CSDC2: variants seen among roughly 807,000 people sequenced by gnomAD.
CSDC2 encodes cold shock domain-containing protein C2.
Under a neutral mutation model 15.8 loss-of-function variants are expected in CSDC2, and 8 were observed. The observed-to-expected ratio is 0.51, with a 90% CI of 0.30 to 0.92. The LOEUF (loss-of-function observed/expected upper bound fraction) is 0.92. CSDC2 is among the 40% of genes least tolerant of loss of function. The pLI is 0.07. For missense variants in CSDC2, 195 were observed against 213.3 expected (o/e 0.91, Z 0.53); for synonymous variants, 96 against 92.3 (o/e 1.04, Z -0.23).
chr22:41,567,036 G>T (rs748562924), intron 1 of CSDC2, among the ~76,000 whole-genome samples: 34 of 152,090 alleles, frequency 2.2e-4, no homozygotes, highest in Non-Finnish European at 4.7e-4. Context: ...TGCTCGTTCT[G>T]AAGGGCATTA....
rs1402207577 is a variant in CSDC2, at chr22:41,575,242, G to T, written c.*347G>T. 2 of 344,404 alleles carry T rather than the reference G, an allele frequency of 5.8e-6. No individual in the cohort carries two copies. The highest frequency in any genetic ancestry group is 4.2e-5 in the African/African-American group (2 of 47,650). 21.3% of individuals were successfully genotyped at this position (344,404 alleles called of 1,614,324 possible). On this transcript the variant is annotated 3_prime_UTR_variant, in exon 4 of 4. Coordinates refer to ENST00000306149, the MANE Select transcript of CSDC2 (RefSeq NM_014460.4). ...CGGTGACTGAGCTGCGAGAGCCTGCGCTGGGCTCACTCCCTGGCCTCCGCC... is the reference window on the plus strand; with the variant it reads ...CGGTGACTGAGCTGCGAGAGCCTGCTCTGGGCTCACTCCCTGGCCTCCGCC...
At chr22:41,574,027 G>A (rs2067162024) in intron 3 of CSDC2, among the ~76,000 whole-genome samples, 1 of 152,224 alleles carries the variant, frequency 6.6e-6, no homozygotes, top group Non-Finnish European at 1.5e-5. Flanking sequence ...CATCGTGGAG[G>A]TCTGAGAGGG....
intron 1 of CSDC2, among the ~76,000 whole-genome samples, chr22:41,563,793 C>T (rs1343567532): frequency 1.3e-5 from 2 of 151,968 alleles, no homozygotes; most frequent in African/African-American, 4.8e-5. Flanking sequence ...TGTACTAAGC[C>T]AGGCGCAGTG....
At chr22:41,568,780 C>T (rs1407898566) in intron 1 of CSDC2, among the ~76,000 whole-genome samples, 1 of 152,258 alleles carries the variant, frequency 6.6e-6, no homozygotes, top group Non-Finnish European at 1.5e-5. Context: ...CCCTTCTGCT[C>T]TCTGGTCTCT....
At chr22:41,562,111 T>G (rs2067089209) in intron 1 of CSDC2, among the ~76,000 whole-genome samples, 1 of 151,722 alleles carries the variant, frequency 6.6e-6, no homozygotes. Context: ...GGGGCTGGGG[T>G]AGGAGAGGAG....
intron 1 of CSDC2, among the ~76,000 whole-genome samples, chr22:41,570,596 T>C (rs957404364): frequency 6.6e-6 from 1 of 151,292 alleles, no homozygotes; most frequent in Admixed American, 6.6e-5. Context: ...CCGAGGGAGG[T>C]AGATCAACTG....
chr22:41,569,364 A>C (rs1464663345), intron 1 of CSDC2, among the ~76,000 whole-genome samples: 1 of 152,170 alleles, frequency 6.6e-6, no homozygotes, highest in African/African-American at 2.4e-5. Context: ...TGCAGCCATC[A>C]CCACAGCCAA....
intron 3 of CSDC2, 53 bp downstream of exon 3, chr22:41,573,830 G>T: frequency 6.4e-7 from 1 of 1,570,936 alleles, no homozygotes; most frequent in South Asian, 1.1e-5. Context: ...GTCCCCAATG[G>T]TGCCTCAAAA....
chr22:41,562,730 G>T (rs2067093726), intron 1 of CSDC2, among the ~76,000 whole-genome samples: 1 of 152,178 alleles, frequency 6.6e-6, no homozygotes, highest in African/African-American at 2.4e-5. Context: ...GCTTGGGGCA[G>T]TTCAGACCTT....
intron 1 of CSDC2, among the ~76,000 whole-genome samples, 184 bp downstream of exon 1, chr22:41,561,367 A>C (rs1260158965): frequency 6.6e-6 from 1 of 152,204 alleles, no homozygotes; most frequent in Non-Finnish European, 1.5e-5. Flanking sequence ...CGTGACCCCC[A>C]AATGAGGTGA....
Position 41,571,853 on chromosome 22 carries a change from T to C in CSDC2, c.-113T>C. ...TTCTTCCTCTTCCAGACGGAGCCCG[T>C]GGCTGGTGAGGCCGCAGAGCAGGGC... On this transcript the variant is annotated 5_prime_UTR_variant, in exon 2 of 4. Coordinates refer to ENST00000306149, the MANE Select transcript of CSDC2 (RefSeq NM_014460.4). 1.6e-6 allele frequency: 1 copy of C among 607,076 alleles called. No individual in the cohort carries two copies. The highest frequency in any genetic ancestry group is 2.5e-6 in the Non-Finnish European group (1 of 397,864). 37.6% of individuals were successfully genotyped at this position (607,076 alleles called of 1,614,324 possible). A position where few individuals can be genotyped will look rare whatever the true frequency, so the allele number is the denominator to read the frequency against.
intron 1 of CSDC2, among the ~76,000 whole-genome samples, chr22:41,563,422 T>G (rs1222936590): frequency 6.6e-6 from 1 of 152,054 alleles, no homozygotes; most frequent in Non-Finnish European, 1.5e-5. Context: ...TCCCCGTCCT[T>G]TCTATTTTTA....
chr22:41,573,988 CA>C (rs2067161812), intron 3 of CSDC2, among the ~76,000 whole-genome samples: 1 of 152,212 alleles, frequency 6.6e-6, no homozygotes, highest in African/African-American at 2.4e-5. Context: ...GCCTGGGAGC[CA>C]GCGGCTGGGC....
At chr22:41,567,366 G>A (rs927252901) in intron 1 of CSDC2, among the ~76,000 whole-genome samples, 5 of 152,190 alleles carry the variant, frequency 3.3e-5, no homozygotes, top group African/African-American at 9.6e-5. Context: ...TCTGTAAAAT[G>A]GAAAAATTGT....
chr22:41,570,203 C>T (rs1223696255), intron 1 of CSDC2, among the ~76,000 whole-genome samples: 2 of 152,222 alleles, frequency 1.3e-5, no homozygotes, highest in Non-Finnish European at 2.9e-5. Context: ...AGCCCCACTT[C>T]AGCCTTTTCA....
At chr22:41,566,487 T>C (rs960466704) in intron 1 of CSDC2, among the ~76,000 whole-genome samples, 3 of 131,116 alleles carry the variant, frequency 2.3e-5, no homozygotes, top group African/African-American at 8.8e-5. Flanking sequence ...ATTAGCTGGG[T>C]GTGGTGGTGG....
chr22:41,574,571 C>A (rs2067165325), intron 3 of CSDC2, among the ~76,000 whole-genome samples, 162 bp from the exon 4 acceptor site: 1 of 152,288 alleles, frequency 6.6e-6, no homozygotes, highest in Middle Eastern at 3.4e-3. Context: ...AGCCATGAGT[C>A]CCGTTTTACA....
At chr22:41,563,508 T>C (rs1488238050) in intron 1 of CSDC2, among the ~76,000 whole-genome samples, 1 of 152,068 alleles carries the variant, frequency 6.6e-6, no homozygotes, top group East Asian at 1.9e-4. Context: ...TTGGGGGAGT[T>C]GTTTTTAAGC....
At chr22:41,564,398 C>T (rs2067103099) in intron 1 of CSDC2, among the ~76,000 whole-genome samples, 1 of 152,014 alleles carries the variant, frequency 6.6e-6, no homozygotes, top group Non-Finnish European at 1.5e-5. Context: ...GTGACTGGGA[C>T]TACAGGTGCC....
Sources: allele counts gnomAD v4.1 joint callset (sites outside exome capture counted in the v4.1 genomes callset), GRCh38; gene constraint gnomAD v4.1.1; transcripts MANE v1.5; gene names NCBI Gene and HGNC (gene_info 2026-07-23, HGNC 2026-07-21).